The following SBF2 variants were observed in gnomAD, a reference collection of about 807,000 sequenced individuals.
SBF2 encodes SET binding factor 2, also known as myotubularin-related protein 13.
In SBF2, 112 loss-of-function variants were observed where a neutral mutation model predicts 225.2. The ratio of observed to expected loss-of-function variants is 0.50; its 90% CI spans 0.43 to 0.58. SBF2 has a LOEUF of 0.58. SBF2 is among the 20% of genes least tolerant of loss of function. The pLI, the probability that SBF2 is intolerant of heterozygous loss-of-function variation, is 0.00. For missense variants in SBF2, 1,996 were observed against 2,206.2 expected (o/e 0.90, Z 1.91); for synonymous variants, 763 against 773.3 (o/e 0.99, Z 0.22).
In SBF2 at chr11:9,921,064, C is replaced by CTTTTTT. The variant is rs34959264; in HGVS notation, c.1861-25059_1861-25054dup. Among the ~76,000 whole-genome samples, 8 of 85,896 alleles carry CTTTTTT rather than the reference C, an allele frequency of 9.3e-5. 1 individual carries two copies. The highest frequency in any genetic ancestry group is 1.5e-4 in the Non-Finnish European group (7 of 46,556). 56.4% of individuals were successfully genotyped at this position (85,896 alleles called of 152,430 possible). A position where few individuals can be genotyped will look rare whatever the true frequency, so the allele number is the denominator to read the frequency against. On this transcript the variant is annotated intron_variant, in intron 16 of 39. Transcript: ENST00000256190. ...ATGCATCAGTATGACCTGAAAACTT[C>CTTTTTT]TTTTTTTTTTTTTTTTTTTTTTGGA... is the stretch of plus-strand genomic sequence containing the variant.
At chr11:10,124,757 T>C (rs1305241108) in intron 2 of SBF2, among the ~76,000 whole-genome samples, 30 of 152,136 alleles carry the variant, frequency 2.0e-4, no homozygotes, top group Admixed American at 2.0e-3. Context: ...ATCTCTGCAC[T>C]GTGAAAAAAT....
At chr11:9,827,386 G>A (rs989065506) in intron 28 of SBF2, among the ~76,000 whole-genome samples, 1 of 152,108 alleles carries the variant, frequency 6.6e-6, no homozygotes, top group African/African-American at 2.4e-5. Context: ...AAATTTAGCT[G>A]GGAGTGGTGG....
chr11:10,297,189 T>TCC (rs140725035), upstream of SBF2, among the ~76,000 whole-genome samples: 1 of 150,490 alleles, frequency 6.6e-6, no homozygotes. Context: ...TATGCCCTAT[T>TCC]CCCCCCCCCA....
chr11:9,984,927 A>C (rs559649277), intron 13 of SBF2, among the ~76,000 whole-genome samples: 1 of 152,362 alleles, frequency 6.6e-6, no homozygotes, highest in African/African-American at 2.4e-5. Context: ...AACTGCTAAA[A>C]GGAGCTCTAA....
At chr11:9,829,310 C>A in intron 28 of SBF2, 46 bp downstream of exon 28, 1 of 1,596,502 alleles carries the variant, frequency 6.3e-7, no homozygotes, top group Non-Finnish European at 8.6e-7. Context: ...ACAGAACTGA[C>A]CTTTCATTAG....
intron 6 of SBF2, among the ~76,000 whole-genome samples, chr11:10,011,456 T>C (rs541414685): frequency 1.8e-4 from 28 of 152,316 alleles, no homozygotes; most frequent in African/African-American, 6.0e-4. Context: ...TGGGCTCAAG[T>C]GATCCACCCA....
intron 8 of SBF2, among the ~76,000 whole-genome samples, chr11:10,000,108 C>T (rs1235040739): frequency 1.3e-5 from 2 of 152,186 alleles, no homozygotes; most frequent in Non-Finnish European, 2.9e-5. Flanking sequence ...CCAGGCAGTT[C>T]TAATTGTTGG....
intron 16 of SBF2, among the ~76,000 whole-genome samples, chr11:9,943,770 T>C (rs1228002677): frequency 6.6e-6 from 1 of 152,220 alleles, no homozygotes; most frequent in East Asian, 1.9e-4. Context: ...GAAACTCTCA[T>C]ATATTGCTGT....
At chr11:10,087,109 T>G (rs963701382) in intron 2 of SBF2, among the ~76,000 whole-genome samples, 5 of 152,182 alleles carry the variant, frequency 3.3e-5, no homozygotes, top group East Asian at 1.9e-4. Context: ...TTGTCTTTTT[T>G]TTTGTTTGTT....
In SBF2 at chr11:9,881,739, C is replaced by T. The variant is rs147089257; in HGVS notation, c.1929+14204G>A. ...TAGAGTCTCTACAACACTCCCCATC[C>T]CCCCCCAATTAAACAAATAAAGTTG... On this transcript the variant is annotated intron_variant, in intron 17 of 39. Transcript: ENST00000256190. 1.1e-4 allele frequency among the ~76,000 whole-genome samples: 16 copies of T among 151,834 alleles called. No individual in the cohort carries two copies. The East Asian group carries it at 2.5e-3, about 24-fold the overall frequency.
chr11:9,988,624 T>C lies in SBF2; in HGVS notation c.1395+873A>G, dbSNP rs371327486. On this transcript the variant is annotated intron_variant, in intron 13 of 39. Coordinates refer to ENST00000256190, the MANE Select transcript of SBF2 (RefSeq NM_030962.4). ...AATAGACAATTCTCAAAAGAAGGTA[T>C]ACAAATAGCCAATAAACATATGAAA... is the stretch of plus-strand genomic sequence containing the variant. Among the ~76,000 whole-genome samples, 9 of 152,242 alleles carry C rather than the reference T, an allele frequency of 5.9e-5. No individual in the cohort carries two copies. The East Asian group carries it at 1.4e-3, about 23-fold the overall frequency.
chr11:10,192,692 G>C (rs1476669226), intron 2 of SBF2, among the ~76,000 whole-genome samples: 1 of 151,798 alleles, frequency 6.6e-6, no homozygotes, highest in Admixed American at 6.6e-5. Context: ...CAAAGTAGTT[G>C]AGCAACTTGT....
At chr11:10,235,749 C>T (rs1959046248) in intron 1 of SBF2, among the ~76,000 whole-genome samples, 1 of 152,146 alleles carries the variant, frequency 6.6e-6, no homozygotes, top group Non-Finnish European at 1.5e-5. Flanking sequence ...TAATCCATAA[C>T]AGGAAAATTG....
intron 3 of SBF2, among the ~76,000 whole-genome samples, chr11:10,041,223 G>C (rs1359273198): frequency 6.6e-6 from 1 of 152,040 alleles, no homozygotes. Context: ...AGTGGTTCTT[G>C]GGCTAGAGAA....
intron 2 of SBF2, among the ~76,000 whole-genome samples, chr11:10,107,118 T>C (rs1458305900): frequency 6.6e-6 from 1 of 152,216 alleles, no homozygotes; most frequent in Admixed American, 6.5e-5. Context: ...AAGTTAACTA[T>C]ATACATATAC....
intron 2 of SBF2, among the ~76,000 whole-genome samples, chr11:10,059,717 C>T (rs1018461469): frequency 2.9e-4 from 44 of 152,050 alleles, no homozygotes; most frequent in African/African-American, 1.1e-3. Flanking sequence ...GAAGTCAACA[C>T]AATGAAAATT....
chr11:9,856,656 C>A lies in SBF2; in HGVS notation c.2165G>T (p.Arg722Leu). ...TAMDLAAEQL[R>L]LWPTLSKSTQ... ...TGACTTGCTCAGGGTAGGCCAAAGG[C>A]GTAGTTGCTCAGCTGCCAGGTCCAT... The change falls in exon 19 of 40, where the codon CGC becomes CTC. Residue 722 changes from arginine (R) to leucine (L), a missense_variant. Physicochemically the swap from Arg to Leu is moderately radical, Grantham distance 102 (BLOSUM62 -2). Coordinates refer to ENST00000256190, the MANE Select transcript of SBF2 (RefSeq NM_030962.4). The A allele has an allele frequency of 6.2e-7, 1 of 1,614,106 alleles. No individual in the cohort carries two copies. Among genetic ancestry groups the A allele is most frequent in the Non-Finnish European group, 8.5e-7 (1 of 1,180,016 alleles).
At chr11:9,980,287 AT>A (rs1554972997) in intron 13 of SBF2, among the ~76,000 whole-genome samples, 3 of 104,746 alleles carry the variant, frequency 2.9e-5, no homozygotes, top group East Asian at 2.6e-4. Context: ...GCCTCTTGTA[AT>A]TAAAAAAAAA....
chr11:10,187,882 T>C (rs1481412097), intron 2 of SBF2, among the ~76,000 whole-genome samples: 1 of 152,182 alleles, frequency 6.6e-6, no homozygotes, highest in Non-Finnish European at 1.5e-5. Context: ...AGACAGGACA[T>C]AAACTATACT....
Sources: gnomAD v4.1 joint callset for allele counts (sites outside exome capture counted in the v4.1 genomes callset) on GRCh38, gnomAD v4.1.1 for gene constraint, MANE v1.5 for transcripts, NCBI Gene and HGNC (gene_info 2026-07-23, HGNC 2026-07-21) for gene names.